The following MYOM1 variants were observed in gnomAD, a reference collection of about 807,000 sequenced individuals.
MYOM1 encodes myomesin-1.
In MYOM1, 164 loss-of-function variants were observed where a neutral mutation model predicts 205.3. The observed-to-expected ratio is 0.80, with a 90% CI of 0.70 to 0.91. The LOEUF is 0.91. MYOM1 is among the 40% of genes least tolerant of loss of function. MYOM1 has a pLI of 0.00. For synonymous variants in MYOM1, 772 were observed against 789.4 expected (o/e 0.98, Z 0.37); for missense variants, 2,011 against 2,127.3 (o/e 0.95, Z 1.08).
chr18:3,119,396 G>T (rs991779160), intron 20 of MYOM1, among the ~76,000 whole-genome samples: 1 of 152,190 alleles, frequency 6.6e-6, no homozygotes, highest in Non-Finnish European at 1.5e-5. Flanking sequence ...CACATAGCTT[G>T]GGTATGGAGG....
At chr18:3,157,676 C>T (rs1211267420) in intron 10 of MYOM1, among the ~76,000 whole-genome samples, 3 of 101,856 alleles carry the variant, frequency 2.9e-5, no homozygotes, top group Non-Finnish European at 1.9e-5. Flanking sequence ...GACCTTGTCT[C>T]CAAAAATAAT....
the MYOM1 span, among the ~76,000 whole-genome samples, chr18:3,238,381 G>A: frequency 5.9e-5 from 9 of 152,162 alleles, no homozygotes; most frequent in Non-Finnish European, 1.0e-4. Flanking sequence ...TGGGGGAGGG[G>A]GGAGGCAGGG....
At chr18:3,160,133 C>T (rs957753479) in intron 10 of MYOM1, among the ~76,000 whole-genome samples, 3 of 149,878 alleles carry the variant, frequency 2.0e-5, no homozygotes, top group African/African-American at 7.4e-5. Context: ...CCTCCTCCTC[C>T]TCCTTCCTTT....
chr18:3,130,784 C>T (rs527530661), intron 17 of MYOM1, among the ~76,000 whole-genome samples: 1 of 152,256 alleles, frequency 6.6e-6, no homozygotes, highest in South Asian at 2.1e-4. Context: ...TGTTTCTAAC[C>T]ACCTGGGTCC....
the MYOM1 span, among the ~76,000 whole-genome samples, chr18:3,230,109 G>T: frequency 1.3e-5 from 2 of 151,990 alleles, no homozygotes; most frequent in African/African-American, 2.4e-5. Flanking sequence ...CTTCTGTGAG[G>T]TATCTTTTTC....
Position 3,179,043 on chromosome 18 carries a change from A to AT in MYOM1, c.930-2910dup, listed in dbSNP as rs1211400124. ...CCACCACACTCAGCTAATTTTTTCT[A>AT]TTTTTTGTAGAGACAGGCTCTTGCT... On this transcript the variant is annotated intron_variant, in intron 5 of 37. Transcript: ENST00000356443. The surrounding 1 kb of genome is among the most constrained non-coding windows in gnomAD (Gnocchi z 4.4). Among the ~76,000 whole-genome samples the AT allele has an allele frequency of 1.3e-5, 2 of 151,776 alleles. No homozygotes were observed. Among genetic ancestry groups the AT allele is most frequent in the Admixed American group, 1.3e-4 (2 of 15,220 alleles).
At chr18:3,243,639 T>C in the MYOM1 span, among the ~76,000 whole-genome samples, 3 of 152,148 alleles carry the variant, frequency 2.0e-5, no homozygotes, top group Admixed American at 2.0e-4. Context: ...TGGATAAATA[T>C]CCACATATTT....
chr18:3,129,072 C>T (rs2079836290), intron 18 of MYOM1, among the ~76,000 whole-genome samples, 160 bp downstream of exon 18: 1 of 152,216 alleles, frequency 6.6e-6, no homozygotes, highest in Admixed American at 6.5e-5. Context: ...TTTTCCAAGT[C>T]ATCAGATGAA....
chr18:3,133,242 C>T (rs1291939146), intron 16 of MYOM1, among the ~76,000 whole-genome samples: 6 of 152,140 alleles, frequency 3.9e-5, no homozygotes, highest in Admixed American at 2.6e-4. Flanking sequence ...AATCATTTAT[C>T]TCTACTCTCT....
chr18:3,126,181 C>T (rs984499422), intron 19 of MYOM1, among the ~76,000 whole-genome samples: 6 of 149,712 alleles, frequency 4.0e-5, no homozygotes, highest in Admixed American at 2.7e-4. Context: ...AGGAGAATCA[C>T]TTTAACCTGG....
chr18:3,134,918 C>G (rs1478317063), intron 15 of MYOM1, 94 bp from the exon 16 acceptor site: 2 of 1,237,984 alleles, frequency 1.6e-6, no homozygotes, highest in Non-Finnish European at 2.3e-6. Flanking sequence ...ATTTTACACA[C>G]TTCGTCATGT....
chr18:3,098,975 A>G lies in MYOM1; in HGVS notation c.3727+1184T>C, dbSNP rs573941804. ...GTTGGGTTAGTTTTTGTTTTTAGAGATACGGACTCGCTCTGTTGCCCAGGG... is the reference window on the plus strand; with the variant it reads ...GTTGGGTTAGTTTTTGTTTTTAGAGGTACGGACTCGCTCTGTTGCCCAGGG... On this transcript the variant is annotated intron_variant, in intron 25 of 37. Coordinates refer to ENST00000356443, the MANE Select transcript of MYOM1 (RefSeq NM_003803.4). 4.6e-5 allele frequency among the ~76,000 whole-genome samples: 7 copies of G among 152,198 alleles called. No individual in the cohort carries two copies. The South Asian group carries it at 1.5e-3, about 32-fold the overall frequency.
At chr18:3,228,852 T>C in the MYOM1 span, among the ~76,000 whole-genome samples, 1 of 152,226 alleles carries the variant, frequency 6.6e-6, no homozygotes, top group African/African-American at 2.4e-5. This position sits in a 1 kb window ranked among gnomAD's most constrained non-coding sequence, Gnocchi z 4.5. Flanking sequence ...AATCCTACCA[T>C]ATGTAGTCAT....
chr18:3,144,605 A>G (rs2080098589), intron 13 of MYOM1, among the ~76,000 whole-genome samples: 1 of 152,214 alleles, frequency 6.6e-6, no homozygotes, highest in Admixed American at 6.5e-5. Flanking sequence ...GTATTAATAT[A>G]AAGGCACACA....
chr18:3,086,447 C>T (rs954185353), intron 29 of MYOM1, among the ~76,000 whole-genome samples: 1 of 141,998 alleles, frequency 7.0e-6, no homozygotes, highest in Non-Finnish European at 1.6e-5. Flanking sequence ...TACTGACATA[C>T]AAACTTAAAT....
At chr18:3,119,124 C>T (rs2079649104) in intron 20 of MYOM1, among the ~76,000 whole-genome samples, 1 of 152,060 alleles carries the variant, frequency 6.6e-6, no homozygotes, top group Non-Finnish European at 1.5e-5. Flanking sequence ...TTCCCCCAGC[C>T]CCATCCTCGC....
chr18:3,136,532 T>TC (rs2079967989), intron 14 of MYOM1, among the ~76,000 whole-genome samples: 1 of 152,038 alleles, frequency 6.6e-6, no homozygotes, highest in Non-Finnish European at 1.5e-5. Context: ...GTTCAAGTGA[T>TC]CCTCCCACCT....
rs747299361 is a variant in MYOM1, at chr18:3,119,926, C to T, written c.3061G>A (p.Ala1021Thr). The change falls in exon 20 of 38, where the codon GCG becomes ACG. Residue 1021 changes from alanine (A) to threonine (T), a missense_variant. Physicochemically the swap from Ala to Thr is moderately conservative, Grantham distance 58. Coordinates refer to ENST00000356443, the MANE Select transcript of MYOM1 (RefSeq NM_003803.4). ...AAGCATTCGCTTACTGCGGAGGGCGCGCCCAGCCCAGCCATGTTCATGGCT... is the reference window on the plus strand; with the variant it reads ...AAGCATTCGCTTACTGCGGAGGGCGTGCCCAGCCCAGCCATGTTCATGGCT... ...VAAMNMAGLG[A>T]PSAVSECFKC... is the part of the protein sequence containing the mutation. The T allele has an allele frequency of 8.1e-6, 13 of 1,612,106 alleles. No individual in the cohort carries two copies. The highest frequency in any genetic ancestry group is 5.0e-5 in the Admixed American group (3 of 59,784).
chr18:3,186,141 AGCT>A (rs1481396950), intron 5 of MYOM1, among the ~76,000 whole-genome samples: 1 of 152,140 alleles, frequency 6.6e-6, no homozygotes, highest in Non-Finnish European at 1.5e-5. Context: ...GGTTGCAGTG[AGCT>A]GAGATTACAT....
Sources: allele counts gnomAD v4.1 joint callset (sites outside exome capture counted in the v4.1 genomes callset), GRCh38; gene constraint gnomAD v4.1.1; non-coding constraint Gnocchi (gnomAD v3.1); transcripts MANE v1.5; gene names NCBI Gene and HGNC (gene_info 2026-07-23, HGNC 2026-07-21).